The following LRRC8C variants were observed in gnomAD, a reference collection of about 807,000 sequenced individuals.
LRRC8C encodes leucine rich repeat containing 8 VRAC subunit C, also known as volume-regulated anion channel subunit LRRC8C.
LRRC8C carries 20 observed loss-of-function variants against 55.3 expected under a neutral mutation model. The ratio of observed to expected loss-of-function variants is 0.36; its 90% CI spans 0.25 to 0.53. The LOEUF (loss-of-function observed/expected upper bound fraction) is 0.53, where lower values mean the gene tolerates loss of function less well. Among genes scored for constraint, LRRC8C ranks in the 20% least tolerant of loss-of-function variants. LRRC8C has a pLI of 0.92. For missense variants in LRRC8C, 659 were observed against 951.4 expected (o/e 0.69, Z 4.04); for synonymous variants, 376 against 360.7 (o/e 1.04, Z -0.48).
At chr1:89,651,567 CAAAAAA>C (rs1179039674) in intron 1 of LRRC8C, among the ~76,000 whole-genome samples, 20 of 40,736 alleles carry the variant, frequency 4.9e-4, no homozygotes, top group African/African-American at 1.4e-3. Flanking sequence ...GACTCTGTCT[CAAAAAA>C]AAAAAAAAAA....
chr1:89,660,781 G>T (rs558839911), intron 1 of LRRC8C, among the ~76,000 whole-genome samples: 1 of 152,234 alleles, frequency 6.6e-6, no homozygotes, highest in African/African-American at 2.4e-5. Context: ...ATCAAAACAT[G>T]ATTCACTGTC....
At chr1:89,657,012 G>C (rs992023225) in intron 1 of LRRC8C, among the ~76,000 whole-genome samples, 1 of 152,162 alleles carries the variant, frequency 6.6e-6, no homozygotes, top group African/African-American at 2.4e-5. Flanking sequence ...CATAGAGCTA[G>C]ATTTCAAACC....
chr1:89,697,075 A>C (rs896598819), intron 2 of LRRC8C, among the ~76,000 whole-genome samples: 3 of 152,182 alleles, frequency 2.0e-5, no homozygotes, highest in Non-Finnish European at 4.4e-5. Flanking sequence ...CTCTTGCTTT[A>C]ACTGCAAGCC....
intron 2 of LRRC8C, among the ~76,000 whole-genome samples, chr1:89,693,140 T>C (rs1370902485): frequency 1.3e-5 from 2 of 152,150 alleles, no homozygotes; most frequent in African/African-American, 4.8e-5. Context: ...TCCTGGAAGA[T>C]TTAACCCAAT....
chr1:89,701,100 A>G (rs912751401), intron 2 of LRRC8C, among the ~76,000 whole-genome samples: 1 of 152,152 alleles, frequency 6.6e-6, no homozygotes, highest in African/African-American at 2.4e-5. Context: ...TAGGCAATAC[A>G]GTGAGAACCC....
intron 1 of LRRC8C, among the ~76,000 whole-genome samples, chr1:89,645,792 A>G (rs1656594410): frequency 6.6e-6 from 1 of 152,120 alleles, no homozygotes; most frequent in Admixed American, 6.5e-5. Context: ...AGCCTCAAAT[A>G]TTTGTAAATA....
At chr1:89,654,299 T>C (rs1315481239) in intron 1 of LRRC8C, among the ~76,000 whole-genome samples, 1 of 152,074 alleles carries the variant, frequency 6.6e-6, no homozygotes, top group African/African-American at 2.4e-5. Context: ...GGATGAGAAA[T>C]TGCTTAATAA....
the LRRC8C span, among the ~76,000 whole-genome samples, chr1:89,622,699 C>T: frequency 6.6e-6 from 1 of 152,132 alleles, no homozygotes; most frequent in Non-Finnish European, 1.5e-5. Flanking sequence ...AATCAGCTAC[C>T]TTGTCTGTAT....
chr1:89,663,345 C>T lies in LRRC8C; in HGVS notation c.-4-23125C>T, dbSNP rs538510910. Among the ~76,000 whole-genome samples the T allele has an allele frequency of 4.3e-4, 65 of 151,862 alleles. No homozygotes were observed. The East Asian group carries it at 6.4e-3, about 15-fold the overall frequency. The stretch of plus-strand genomic sequence containing the variant: ...CAGCACTTTGGGAGGCAGAGGCGGG[C>T]GGATCATGAGGTCAGGAGATCGAGA... On this transcript the variant is annotated intron_variant, in intron 1 of 2. Coordinates refer to ENST00000370454, the MANE Select transcript of LRRC8C (RefSeq NM_032270.5).
At chr1:89,685,935 A>G (rs1235970580) in intron 1 of LRRC8C, among the ~76,000 whole-genome samples, 2 of 152,168 alleles carry the variant, frequency 1.3e-5, no homozygotes, top group Non-Finnish European at 2.9e-5. Context: ...AAAGACAAGG[A>G]CCACGTGGAA....
intron 2 of LRRC8C, among the ~76,000 whole-genome samples, chr1:89,695,774 T>G (rs1275639754): frequency 6.6e-6 from 1 of 152,188 alleles, no homozygotes; most frequent in Non-Finnish European, 1.5e-5. Flanking sequence ...AACAAAATCT[T>G]TCCCCAAAAC....
chr1:89,639,000 A>ATTTTATTTTATTTTATTT lies in LRRC8C; in HGVS notation c.-5+5678_-5+5679insTTTTATTTTATTTTATTT, dbSNP rs1219055521. On this transcript the variant is annotated intron_variant, in intron 1 of 2. Transcript: ENST00000370454. ...ATTTTATTTTATTTTATTTTATTTGAGACAGAGTTTTACTCTGTCTCTGTC... is the reference window on the plus strand; with the variant it reads ...ATTTTATTTTATTTTATTTTATTTGATTTTATTTTATTTTATTTGACAGAGTTTTACTCTGTCTCTGTC... Among the ~76,000 whole-genome samples the ATTTTATTTTATTTTATTT allele has an allele frequency of 5.3e-5, 8 of 150,814 alleles. No individual in the cohort carries two copies. In the East Asian group the frequency reaches 5.9e-4, roughly 11 times the overall value.
At chr1:89,712,606 G>A (rs1162592643) in intron 2 of LRRC8C, 103 bp from the exon 3 acceptor site, 2 of 765,216 alleles carry the variant, frequency 2.6e-6, no homozygotes, top group Non-Finnish European at 4.3e-6. Flanking sequence ...CCAGGCAGAG[G>A]AAATGGACAT....
chr1:89,640,326 G>T (rs1656419356), intron 1 of LRRC8C, among the ~76,000 whole-genome samples: 2 of 152,144 alleles, frequency 1.3e-5, no homozygotes, highest in African/African-American at 4.8e-5. Context: ...GCTTCCCAAA[G>T]TGCTGGGATT....
chr1:89,622,447 C>T, the LRRC8C span, among the ~76,000 whole-genome samples: 2 of 151,984 alleles, frequency 1.3e-5, no homozygotes, highest in East Asian at 1.9e-4. Context: ...ATTCTCCTGC[C>T]TCAGCCTCCC....
chr1:89,693,948 C>T (rs1488265025), intron 2 of LRRC8C, among the ~76,000 whole-genome samples: 1 of 151,970 alleles, frequency 6.6e-6, no homozygotes, highest in Non-Finnish European at 1.5e-5. Context: ...TGAGCTACTG[C>T]ACCGGCCCAG....
chr1:89,709,774 C>T (rs544467767), intron 2 of LRRC8C, among the ~76,000 whole-genome samples: 1 of 142,028 alleles, frequency 7.0e-6, no homozygotes, highest in Admixed American at 7.2e-5. Flanking sequence ...TTGTTTGAGA[C>T]GGAGTCTCGC....
upstream of LRRC8C, chr1:89,632,068 T>A (rs1237692409): frequency 6.6e-6 from 1 of 152,236 alleles, no homozygotes; most frequent in Non-Finnish European, 1.5e-5. Context: ...TGACTTTGGG[T>A]GCTCTTCAAA....
At chr1:89,645,477 G>A (rs747333537) in intron 1 of LRRC8C, among the ~76,000 whole-genome samples, 3 of 152,076 alleles carry the variant, frequency 2.0e-5, no homozygotes, top group Non-Finnish European at 4.4e-5. Flanking sequence ...CATACACTTC[G>A]CAATTATGGT....
Sources: gnomAD v4.1 joint callset for allele counts (sites outside exome capture counted in the v4.1 genomes callset) on GRCh38, gnomAD v4.1.1 for gene constraint, MANE v1.5 for transcripts, NCBI Gene and HGNC (gene_info 2026-07-23, HGNC 2026-07-21) for gene names.